Variants in THNSL2 observed in about 807,000 individuals in gnomAD.
THNSL2 encodes threonine synthase-like 2.
In THNSL2, 34 loss-of-function variants were observed where a neutral mutation model predicts 40.0. That is an observed-to-expected ratio of 0.85 (90% CI 0.65 to 1.13). THNSL2 has a LOEUF of 1.13. THNSL2 is among the 50% of genes most tolerant of loss of function. THNSL2 has a pLI of 0.00. For missense variants in THNSL2, 537 were observed against 608.8 expected (o/e 0.88, Z 1.24); for synonymous variants, 241 against 247.5 (o/e 0.97, Z 0.25).
At chr2:88,183,604 C>T (rs990156443) in intron 7 of THNSL2, 1 of 152,026 alleles carries the variant, frequency 6.6e-6, no homozygotes, top group African/African-American at 2.4e-5. Flanking sequence ...CCCTCGCTCT[C>T]CTTCTTCCCT....
chr2:88,185,290 C>G, intron 7 of THNSL2, 38 bp from the exon 8 acceptor site: 2 of 1,585,268 alleles, frequency 1.3e-6, no homozygotes, highest in South Asian at 1.2e-5. Flanking sequence ...CCTACATCCC[C>G]CCCCCACACC....
At chr2:88,174,525 A>G (rs1676698173) in intron 2 of THNSL2, 114 bp from the exon 3 acceptor site, 1 of 1,073,550 alleles carries the variant, frequency 9.3e-7, no homozygotes, top group Admixed American at 2.6e-5. Flanking sequence ...ATTTAAGATG[A>G]AGATTTTTGG....
Position 88,186,064 on chromosome 2 carries a change from G to T in THNSL2, c.1396G>T (p.Asp466Tyr). 6.3e-7 allele frequency: 1 copy of T among 1,582,132 alleles called. No homozygotes were observed. The highest frequency in any genetic ancestry group is 8.6e-7 in the Non-Finnish European group (1 of 1,163,930). Reference protein sequence around the residue: ...RGDNWMLMLRDTIEDLSRQWR... With the variant: ...RGDNWMLMLRYTIEDLSRQWR... ...TGACAACTGGATGCTGATGCTTCGG[G>T]ACACCATTGAGGACCTTAGCCGACA... is the stretch of plus-strand genomic sequence containing the variant. Residue 466 changes from aspartate to tyrosine, a missense_variant, in exon 9 of 9, where the codon GAC becomes TAC. Coordinates refer to ENST00000674334, the MANE Select transcript of THNSL2 (RefSeq NM_018271.5).
chr2:88,171,799 C>T (rs1676403972), intron 1 of THNSL2: 1 of 154,284 alleles, frequency 6.5e-6, no homozygotes, highest in Non-Finnish European at 1.4e-5. Context: ...CCTAGGTTGC[C>T]AGAGAGAGAG....
chr2:88,178,268 C>G (rs1335684586), intron 4 of THNSL2, among the ~76,000 whole-genome samples: 2 of 152,200 alleles, frequency 1.3e-5, no homozygotes, highest in Non-Finnish European at 2.9e-5. Context: ...GAGCAGAGAG[C>G]AGAACACCTA....
At chr2:88,171,227 C>T in intron 1 of THNSL2, 1 of 454,984 alleles carries the variant, frequency 2.2e-6, no homozygotes, top group Non-Finnish European at 4.4e-6. Context: ...TTCTCTTTAG[C>T]TTTGCTGAAT....
chr2:88,175,756 C>T lies in THNSL2; in HGVS notation c.571+355C>T, dbSNP rs528877530. 2.1e-5 allele frequency: 4 copies of T among 192,196 alleles called. No homozygotes were observed. The South Asian group carries it at 5.5e-4, about 26-fold the overall frequency. 11.9% of individuals were successfully genotyped at this position (192,196 alleles called of 1,614,324 possible). A position where few individuals can be genotyped will look rare whatever the true frequency, so the allele number is the denominator to read the frequency against. On this transcript the variant is annotated intron_variant, in intron 4 of 8. Coordinates refer to ENST00000674334, the MANE Select transcript of THNSL2 (RefSeq NM_018271.5). ...TGAGCCAAGTGATTTGGGTTTTTTT[C>T]CAAGACTCTGAAGTTTAGAGGACAC...
rs571488233 is a variant in THNSL2, at chr2:88,178,777, T to C, written c.572-6T>C. Reference sequence around the variant, plus strand: ...GACAGCTGCCCTCTTCTCTCCCCCCTGGCAGTGGAGGGAAACAGCGATGAG... The same window carrying C: ...GACAGCTGCCCTCTTCTCTCCCCCCCGGCAGTGGAGGGAAACAGCGATGAG... On this transcript the variant is annotated splice_polypyrimidine_tract_variant and splice_region_variant and intron_variant, in intron 4 of 8. Transcript: ENST00000674334. 1.7e-5 allele frequency: 27 copies of C among 1,613,772 alleles called. No individual in the cohort carries two copies. The African/African-American group carries it at 3.5e-4, about 21-fold the overall frequency.
intron 4 of THNSL2, 112 bp downstream of exon 4, chr2:88,175,513 T>C: frequency 7.3e-7 from 1 of 1,374,302 alleles, no homozygotes; most frequent in Non-Finnish European, 1.0e-6. Context: ...CTGTCCTCCT[T>C]TCATCATCAT....
At chr2:88,176,152 G>C (rs1310038140) in intron 4 of THNSL2, 1 of 152,192 alleles carries the variant, frequency 6.6e-6, no homozygotes. Flanking sequence ...TTACAGTATG[G>C]GAACAACTAA....
At chr2:88,180,264 C>A (rs1292600649) in intron 5 of THNSL2, among the ~76,000 whole-genome samples, 1 of 152,192 alleles carries the variant, frequency 6.6e-6, no homozygotes, top group Non-Finnish European at 1.5e-5. Context: ...GCTTTAAGAC[C>A]CTGGACCTTC....
In THNSL2 at chr2:88,170,414, T is replaced by TCGCGCCCCGGGCCTCGCGCCC. The variant is rs1553460742; in HGVS notation, c.-46_-45insGGCCTCGCGCCCCGCGCCCCG. 1.3e-5 allele frequency: 2 copies of TCGCGCCCCGGGCCTCGCGCCC among 149,054 alleles called. No individual in the cohort carries two copies. The highest frequency in any genetic ancestry group is 5.0e-5 in the African/African-American group (2 of 39,998). The allele number at this position is 149,054 out of a possible 1,614,324, so 9.2% of individuals were successfully genotyped here. On this transcript the variant is annotated 5_prime_UTR_variant, in exon 1 of 9. Transcript: ENST00000674334. Reference sequence around the variant, plus strand: ...GGGCAGCCCTGCTGCGCACCGGGCCTCGCGCCCCGCGCCCCGCGCCCCGCG... The same window carrying TCGCGCCCCGGGCCTCGCGCCC: ...GGGCAGCCCTGCTGCGCACCGGGCCTCGCGCCCCGGGCCTCGCGCCCCGCGCCCCGCGCCCCGCGCCCCGCG...
In THNSL2 at chr2:88,174,646, C is replaced by T. The variant is rs371211298; in HGVS notation, c.231C>T (p.Ile77=). ...LLPKDELNDL[I]DRAFSRFRHR... is the part of the protein sequence containing the mutation. ...ACCCCACTACCCTCACAGATCTGAT[C>T]GACCGAGCCTTCAGCAGATTCCGTC... Residue 77 remains isoleucine (I), a synonymous_variant, in exon 3 of 9, where the codon ATC becomes ATT. Transcript: ENST00000674334. 114 of 1,613,754 alleles carry T rather than the reference C, an allele frequency of 7.1e-5. No individual in the cohort carries two copies. Among genetic ancestry groups the T allele is most frequent in the South Asian group, 1.2e-4 (11 of 91,034 alleles).
rs537673453 is a variant in THNSL2 at position 88,177,405 on chromosome 2, A to G, written c.572-1378A>G. 5.9e-5 allele frequency among the ~76,000 whole-genome samples: 9 copies of G among 152,332 alleles called. No individual in the cohort carries two copies. In the South Asian group the frequency reaches 1.7e-3, roughly 28 times the overall value. On this transcript the variant is annotated intron_variant, in intron 4 of 8. Transcript: ENST00000674334. ...ATGTGGACAGCTGGTTTATAAAGTC[A>G]TTAATTTCCATGTACATTGTATACT...
Position 88,177,908 on chromosome 2 carries a change from G to A in THNSL2, c.572-875G>A, listed in dbSNP as rs544349162. ...GAATGGAATCACCATGACTGGCCCC[G>A]GCCATTCTGGGTACACACATGGATC... is the stretch of plus-strand genomic sequence containing the variant. On this transcript the variant is annotated intron_variant, in intron 4 of 8. Coordinates refer to ENST00000674334, the MANE Select transcript of THNSL2 (RefSeq NM_018271.5). Among the ~76,000 whole-genome samples, 69 of 152,274 alleles carry A rather than the reference G, an allele frequency of 4.5e-4. No homozygotes were observed. In the South Asian group the frequency reaches 0.013, roughly 30 times the overall value.
chr2:88,170,492 G>A lies in THNSL2; in HGVS notation c.-13+36G>A, dbSNP rs147894600. ...CCAACCTCGCCGCCCTCCCGGGGTC[G>A]TCGCGGGCGAGATTTCTGAGCTCCG... On this transcript the variant is annotated intron_variant, in intron 1 of 8. Transcript: ENST00000674334. The A allele has an allele frequency of 4.3e-3, 653 of 151,336 alleles. 29 individuals carry two copies. In the East Asian group the frequency reaches 0.088, roughly 20 times the overall value. The allele number at this position is 151,336 out of a possible 1,614,324, so 9.4% of individuals were successfully genotyped here.
At chr2:88,183,225 T>C (rs538977794) in intron 7 of THNSL2, 152 bp downstream of exon 7, 392 of 1,035,414 alleles carry the variant, frequency 3.8e-4, no homozygotes, top group Non-Finnish European at 5.0e-4. Flanking sequence ...CATGGAATAA[T>C]TTATTGAATG....
intron 5 of THNSL2, among the ~76,000 whole-genome samples, chr2:88,182,079 A>T (rs1044470382): frequency 6.6e-6 from 1 of 152,316 alleles, no homozygotes; most frequent in Admixed American, 6.5e-5. Context: ...ACATTTGTGT[A>T]CAAGTTTTCA....
intron 5 of THNSL2, among the ~76,000 whole-genome samples, chr2:88,180,487 G>A (rs537668844): frequency 3.3e-5 from 5 of 152,130 alleles, no homozygotes; most frequent in African/African-American, 9.6e-5. Context: ...CAGGAGAATC[G>A]TTTGAACCTG....
Sources: allele counts gnomAD v4.1 joint callset (sites outside exome capture counted in the v4.1 genomes callset), GRCh38; gene constraint gnomAD v4.1.1; transcripts MANE v1.5; gene names NCBI Gene and HGNC (gene_info 2026-07-23, HGNC 2026-07-21).